Variants in FBLN2 observed in about 807,000 individuals in gnomAD.
FBLN2 encodes fibulin 2, also known as fibulin-2.
A neutral mutation model predicts 123.7 loss-of-function variants in FBLN2; 81 were observed. The observed-to-expected ratio is 0.65, with a 90% CI of 0.55 to 0.79. The LOEUF (loss-of-function observed/expected upper bound fraction) is 0.79, where lower values mean the gene tolerates loss of function less well. FBLN2 is among the 30% of genes least tolerant of loss of function. The probability of loss-of-function intolerance (pLI) is 0.00; values close to 1 mark genes in which losing one functional copy is unlikely to be tolerated. For missense variants in FBLN2, 1,603 were observed against 1,681.3 expected, an observed-to-expected ratio of 0.95 and a Z score of 0.81; for synonymous variants, 699 against 701.4, an observed-to-expected ratio of 1.00 and a Z score of 0.05.
rs111687114 is a variant in FBLN2, at chr3:13,628,902, C to T, written c.2570-3C>T. The T allele has an allele frequency of 7.2e-4, 1,160 of 1,612,418 alleles. 4 individuals are homozygous for T. The highest frequency in any genetic ancestry group is 9.2e-4 in the Non-Finnish European group (1,085 of 1,179,288). The stretch of plus-strand genomic sequence containing the variant: ...TCCCTGTCACCTACACCTGCCTCTG[C>T]AGACATCAACGAGTGCACGTCACTG... On this transcript the variant is annotated splice_region_variant and splice_polypyrimidine_tract_variant and intron_variant, in intron 11 of 17. Transcript: ENST00000404922.
Position 13,628,986 on chromosome 3 carries a change from A to G in FBLN2, c.2651A>G (p.Gln884Arg), listed in dbSNP as rs752000409. ...CINTVGSYTC[Q>R]RNPLICARGY... is the part of the protein sequence containing the mutation. ...AACACGGTGGGCTCCTACACATGCCAGAGGAACCCGCTGATCTGCGCGCGC... is the reference window on the plus strand; with the variant it reads ...AACACGGTGGGCTCCTACACATGCCGGAGGAACCCGCTGATCTGCGCGCGC... Residue 884 changes from glutamine to arginine, a missense_variant, in exon 12 of 18, where the codon CAG (glutamine) becomes CGG (arginine). By Grantham distance (43) the Gln-to-Arg change is conservative. Coordinates refer to ENST00000404922, the MANE Select transcript of FBLN2 (RefSeq NM_001004019.2). 9 of 1,613,522 alleles carry G rather than the reference A, an allele frequency of 5.6e-6. No homozygotes were observed. In the South Asian group the frequency reaches 9.9e-5, roughly 18 times the overall value.
At chr3:13,614,531 CCATT>C (rs1156978247) in intron 5 of FBLN2, among the ~76,000 whole-genome samples, 1 of 152,082 alleles carries the variant, frequency 6.6e-6, no homozygotes, top group Non-Finnish European at 1.5e-5. Context: ...ATCTCTCCAT[CCATT>C]CATTCATTCA....
intron 1 of FBLN2, among the ~76,000 whole-genome samples, chr3:13,567,648 T>A (rs60994663): frequency 6.7e-6 from 1 of 148,360 alleles, no homozygotes; most frequent in Admixed American, 6.8e-5. Flanking sequence ...GTGAGCCACC[T>A]CGCCTGGCCA....
At chr3:13,598,922 A>G (rs1008817059) in intron 2 of FBLN2, among the ~76,000 whole-genome samples, 2 of 152,192 alleles carry the variant, frequency 1.3e-5, no homozygotes, top group Non-Finnish European at 2.9e-5. Flanking sequence ...GGACTGGCTC[A>G]TGAGGGATGG....
chr3:13,585,413 T>A (rs910918985), intron 2 of FBLN2, among the ~76,000 whole-genome samples: 1 of 152,160 alleles, frequency 6.6e-6, no homozygotes, highest in Non-Finnish European at 1.5e-5. Context: ...GATCAATCAG[T>A]GCCTGGTCAA....
chr3:13,573,780 G>A (rs1287075945), intron 2 of FBLN2, among the ~76,000 whole-genome samples: 2 of 151,522 alleles, frequency 1.3e-5, no homozygotes, highest in African/African-American at 4.9e-5. Context: ...GCAGGCGCCC[G>A]TAATCCCAGC....
intron 1 of FBLN2, among the ~76,000 whole-genome samples, chr3:13,554,032 C>G (rs1222775216): frequency 1.3e-5 from 2 of 152,208 alleles, no homozygotes; most frequent in African/African-American, 4.8e-5. Flanking sequence ...ATTGCCTGGG[C>G]CTGAGCCCCC....
intron 16 of FBLN2, among the ~76,000 whole-genome samples, 164 bp from the exon 17 acceptor site, chr3:13,636,281 G>A (rs905851453): frequency 4.6e-5 from 7 of 152,214 alleles, no homozygotes; most frequent in African/African-American, 9.6e-5. Context: ...CCCCTGCTGC[G>A]GGGTGCCGAG....
At chr3:13,577,276 T>C (rs1416235659) in intron 2 of FBLN2, among the ~76,000 whole-genome samples, 2 of 119,164 alleles carry the variant, frequency 1.7e-5, no homozygotes, top group Admixed American at 8.6e-5. Flanking sequence ...GACAGGGGAG[T>C]CCTCCCTGGG....
At chr3:13,606,218 G>C (rs1340838454) in intron 2 of FBLN2, among the ~76,000 whole-genome samples, 1 of 152,164 alleles carries the variant, frequency 6.6e-6, no homozygotes, top group East Asian at 1.9e-4. Flanking sequence ...TTTTACTTTG[G>C]AGTTCTTTTT....
In FBLN2 at chr3:13,637,882, C is replaced by G; in HGVS notation, c.3659C>G (p.Ala1220Gly). 1 of 1,603,352 alleles carries G rather than the reference C, an allele frequency of 6.2e-7. No homozygotes were observed. Among genetic ancestry groups the G allele is most frequent in the Non-Finnish European group, 8.5e-7 (1 of 1,172,748 alleles). ...CAGGGCTCCGTCACCACCTTCCTGG[C>G]CAAGATGCACATCTTCTTCACCACC... is the stretch of plus-strand genomic sequence containing the variant. ...WRQGSVTTFL[A>G]KMHIFFTTFA... The change falls in exon 18 of 18, where the codon GCC becomes GGC. Residue 1220 changes from alanine to glycine, a missense_variant. Coordinates refer to ENST00000404922, the MANE Select transcript of FBLN2 (RefSeq NM_001004019.2).
intron 2 of FBLN2, among the ~76,000 whole-genome samples, chr3:13,606,929 A>C (rs1418403316): frequency 6.6e-6 from 1 of 152,212 alleles, no homozygotes; most frequent in Non-Finnish European, 1.5e-5. Flanking sequence ...CTGGGATTAC[A>C]GGCATGAGCC....
intron 14 of FBLN2, 41 bp from the exon 15 acceptor site, chr3:13,630,658 G>A: frequency 6.6e-7 from 1 of 1,516,928 alleles, no homozygotes; most frequent in Non-Finnish European, 9.0e-7. Context: ...CTCCAAGGCA[G>A]ACTTGGGCCC....
At chr3:13,612,918 T>A (rs959088484) in intron 4 of FBLN2, among the ~76,000 whole-genome samples, 14 of 152,286 alleles carry the variant, frequency 9.2e-5, no homozygotes, top group Non-Finnish European at 1.5e-4. Context: ...TGCATGAATT[T>A]GTGGTCAGCT....
chr3:13,604,162 A>C (rs947694518), intron 2 of FBLN2, among the ~76,000 whole-genome samples: 2 of 151,942 alleles, frequency 1.3e-5, no homozygotes, highest in African/African-American at 4.8e-5. Context: ...GATTGCAAAA[A>C]TTTTCTCCCA....
At chr3:13,569,557 A>G (rs1703855112) in intron 1 of FBLN2, among the ~76,000 whole-genome samples, 2 of 144,216 alleles carry the variant, frequency 1.4e-5, no homozygotes, top group Non-Finnish European at 3.0e-5. Flanking sequence ...TGACTGGGGG[A>G]GTTGGTGGGG....
At chr3:13,591,302 A>G (rs1325511219) in intron 2 of FBLN2, among the ~76,000 whole-genome samples, 1 of 152,266 alleles carries the variant, frequency 6.6e-6, no homozygotes, top group Non-Finnish European at 1.5e-5. Context: ...CACATAGGTG[A>G]TCTCATTCTA....
chr3:13,556,145 C>A (rs1055215120), intron 1 of FBLN2, among the ~76,000 whole-genome samples: 4 of 152,272 alleles, frequency 2.6e-5, no homozygotes, highest in South Asian at 4.1e-4. Flanking sequence ...ACTGTCCTGG[C>A]GGGTTCCGGC....
rs1243209452 is a variant in FBLN2 at position 13,570,940 on chromosome 3, C to T, written c.585C>T (p.Asp195=). 19 of 1,612,780 alleles carry T rather than the reference C, an allele frequency of 1.2e-5. No individual in the cohort carries two copies. The highest frequency in any genetic ancestry group is 1.5e-5 in the Non-Finnish European group (18 of 1,179,614). The change falls in exon 2 of 18, where the codon GAC becomes GAT. Residue 195 remains aspartate, a synonymous_variant. Transcript: ENST00000404922. ...GTGACCCCGAGCGACACTACGAAGA[C>T]CCCTACAGCTATGACCAGGAGGTGG... ...EEGDPERHYE[D]PYSYDQEVAE...
Sources: allele counts gnomAD v4.1 joint callset (sites outside exome capture counted in the v4.1 genomes callset), GRCh38; gene constraint gnomAD v4.1.1; transcripts MANE v1.5; gene names NCBI Gene and HGNC (gene_info 2026-07-23, HGNC 2026-07-21).